The following SORBS2 variants were observed in gnomAD, a reference collection of about 807,000 sequenced individuals.
SORBS2 encodes the protein sorbin and SH3 domain-containing protein 2.
SORBS2 carries 46 observed loss-of-function variants against 97.7 expected under a neutral mutation model. The observed-to-expected ratio is 0.47, with a 90% confidence interval of 0.37 to 0.60. The LOEUF is 0.60. Ranked by LOEUF, SORBS2 falls within the 20% of genes least tolerant of loss-of-function variation. The pLI, the probability that SORBS2 is intolerant of heterozygous loss-of-function variation, is 0.00. For synonymous variants in SORBS2, 476 were observed against 473.4 expected (o/e 1.01, Z -0.07); for missense variants, 1,316 against 1,282.3 (o/e 1.03, Z -0.40).
intron 1 of SORBS2, among the ~76,000 whole-genome samples, chr4:185,878,922 G>C (rs868087162): frequency 6.6e-6 from 1 of 152,180 alleles, no homozygotes; most frequent in Non-Finnish European, 1.5e-5. Context: ...CCAAGCTCAC[G>C]TGGCTGCCAG....
At chr4:185,744,642 C>T (rs1354868129) in intron 2 of SORBS2, among the ~76,000 whole-genome samples, 2 of 152,212 alleles carry the variant, frequency 1.3e-5, no homozygotes, top group African/African-American at 4.8e-5. Flanking sequence ...TTTGAATGTT[C>T]AGAATCTCAG....
chr4:185,733,375 G>A (rs1464710419), intron 2 of SORBS2, among the ~76,000 whole-genome samples: 2 of 152,228 alleles, frequency 1.3e-5, no homozygotes, highest in African/African-American at 4.8e-5. Context: ...GAGCCAGGAG[G>A]CCTGGGAGCC....
intron 1 of SORBS2, among the ~76,000 whole-genome samples, chr4:185,955,195 T>C (rs2099279012): frequency 6.6e-6 from 1 of 152,192 alleles, no homozygotes; most frequent in South Asian, 2.1e-4. Flanking sequence ...CTCTTTGCAT[T>C]CATTTCTGCT....
intron 1 of SORBS2, among the ~76,000 whole-genome samples, chr4:185,949,371 A>G (rs535550682): frequency 9.2e-5 from 14 of 152,320 alleles, no homozygotes; most frequent in African/African-American, 3.4e-4. Flanking sequence ...TCCGAAACAG[A>G]TGGCATCTTA....
At chr4:185,926,061 A>C (rs948452843) in intron 1 of SORBS2, among the ~76,000 whole-genome samples, 3 of 152,228 alleles carry the variant, frequency 2.0e-5, no homozygotes, top group African/African-American at 7.2e-5. Flanking sequence ...GAGTGCAGAC[A>C]GCGAGGTGGA....
intron 1 of SORBS2, among the ~76,000 whole-genome samples, chr4:185,852,828 G>T (rs758324598): frequency 7.2e-5 from 11 of 152,090 alleles, no homozygotes; most frequent in Non-Finnish European, 1.2e-4. Flanking sequence ...TTCTCTTTTT[G>T]TTTACTTGAA....
intron 1 of SORBS2, among the ~76,000 whole-genome samples, chr4:185,953,824 C>T (rs2099278358): frequency 6.6e-6 from 1 of 152,230 alleles, no homozygotes; most frequent in African/African-American, 2.4e-5. Flanking sequence ...TTGCAACTCT[C>T]ATAAGCTGCC....
rs139590436 is a variant in SORBS2, at chr4:185,665,403, T to C, written c.-45-3161A>G. On this transcript the variant is annotated intron_variant, in intron 4 of 20. Coordinates refer to the SORBS2 transcript ENST00000284776. ...ACTGGGTTAAAATTTTTTGAAAAAT[T>C]TTAGACTTTATGATCACAACATATT... Among the ~76,000 whole-genome samples the C allele has an allele frequency of 3.4e-4, 52 of 152,306 alleles. 1 individual carries two copies. In the East Asian group the frequency reaches 9.8e-3, roughly 29 times the overall value.
chr4:185,843,441 T>C (rs1425170637), intron 1 of SORBS2, among the ~76,000 whole-genome samples: 4 of 152,078 alleles, frequency 2.6e-5, no homozygotes, highest in Non-Finnish European at 5.9e-5. Flanking sequence ...ATTGTCTACA[T>C]AGAAAATCTC....
chr4:185,741,406 T>TTG (rs2098725398), intron 2 of SORBS2, among the ~76,000 whole-genome samples: 1 of 140,456 alleles, frequency 7.1e-6, no homozygotes, highest in East Asian at 2.2e-4. Context: ...TTTTTTTTGT[T>TTG]TTTTTTTTTT....
chr4:185,730,520 A>C (rs1172637958), intron 2 of SORBS2, among the ~76,000 whole-genome samples: 1 of 152,186 alleles, frequency 6.6e-6, no homozygotes, highest in Non-Finnish European at 1.5e-5. Context: ...CACTGTCAGC[A>C]CTGCTTTCAA....
intron 1 of SORBS2, among the ~76,000 whole-genome samples, chr4:185,880,500 A>C (rs2099236294): frequency 6.6e-6 from 1 of 152,232 alleles, no homozygotes; most frequent in African/African-American, 2.4e-5. Context: ...TGGAAAAAAC[A>C]GTGTTTTGTT....
At chr4:185,659,144 G>C (rs1379445488), upstream of SORBS2, among the ~76,000 whole-genome samples, 1 of 152,154 alleles carries the variant, frequency 6.6e-6, no homozygotes, top group African/African-American at 2.4e-5. Context: ...GTTTGCATCA[G>C]AAAGTCATTT....
chr4:185,947,867 T>C (rs113684591), intron 1 of SORBS2, among the ~76,000 whole-genome samples: 119 of 152,342 alleles, frequency 7.8e-4, no homozygotes, highest in African/African-American at 2.8e-3. Context: ...TGCCTCAGCC[T>C]CTCAAAGTGC....
At chr4:185,808,482 C>G (rs1427353912) in intron 1 of SORBS2, among the ~76,000 whole-genome samples, 3 of 152,038 alleles carry the variant, frequency 2.0e-5, no homozygotes, top group African/African-American at 7.2e-5. Flanking sequence ...CTACTGAAAT[C>G]AGGCTTATTT....
exon 7 of SORBS2, chr4:185,624,134 G>A (rs780248919): frequency 6.8e-6 from 11 of 1,614,044 alleles, no homozygotes; most frequent in Middle Eastern, 1.6e-4. Flanking sequence ...GCGAACCTCC[G>A]GGACGTAGGG....
chr4:185,614,159 G>GTTTTTTTTTTTTT (rs34929054), intron 11 of SORBS2, among the ~76,000 whole-genome samples: 51 of 91,606 alleles, frequency 5.6e-4, no homozygotes, highest in Admixed American at 1.0e-3. Context: ...GTTTTTTTGT[G>GTTTTTTTTTTTTT]TTTTTTTTTT....
intron 2 of SORBS2, among the ~76,000 whole-genome samples, chr4:185,705,183 T>C (rs564953295): frequency 4.6e-4 from 70 of 152,360 alleles, no homozygotes; most frequent in Non-Finnish European, 8.1e-4. Context: ...TACCCAGAAG[T>C]TGGTCGATAT....
At chr4:185,731,379 G>T (rs1367869179) in intron 2 of SORBS2, among the ~76,000 whole-genome samples, 3 of 152,024 alleles carry the variant, frequency 2.0e-5, no homozygotes, top group Admixed American at 2.0e-4. Context: ...AAGCCTCTTG[G>T]AATTTATTTT....
Sources: allele counts gnomAD v4.1 joint callset (sites outside exome capture counted in the v4.1 genomes callset), GRCh38; gene constraint gnomAD v4.1.1; transcripts MANE v1.5; gene names NCBI Gene and HGNC (gene_info 2026-07-23, HGNC 2026-07-21).